PRMT1: variants seen among roughly 807,000 people sequenced by gnomAD.
The protein encoded by PRMT1 is protein arginine N-methyltransferase 1.
PRMT1 carries 5 observed loss-of-function variants against 47.4 expected under a neutral mutation model. That is an observed-to-expected ratio of 0.11 (90% CI 0.06 to 0.22). The LOEUF is 0.22. Ranked by LOEUF, PRMT1 falls within the 10% of genes least tolerant of loss-of-function variation. The pLI, the probability that PRMT1 is intolerant of heterozygous loss-of-function variation, is 1.00. For missense variants in PRMT1, 249 were observed against 518.4 expected (o/e 0.48, Z 5.05); for synonymous variants, 227 against 204.6 (o/e 1.11, Z -0.94).
chr19:49,686,703 A>G lies in PRMT1; in HGVS notation c.1009A>G (p.Met337Val). The G allele has an allele frequency of 1.2e-6, 2 of 1,605,800 alleles. No homozygotes were observed. The highest frequency in any genetic ancestry group is 1.7e-6 in the Non-Finnish European group (2 of 1,175,236). Reference sequence around the variant, plus strand: ...CGAGGAGATCTTCGGCACCATCGGCATGCGGCCCAACGCCAAGAACAACGT... The same window carrying G: ...CGAGGAGATCTTCGGCACCATCGGCGTGCGGCCCAACGCCAAGAACAACGT... Reference protein sequence around the residue: ...TGEEIFGTIGMRPNAKNNRDL... With the variant: ...TGEEIFGTIGVRPNAKNNRDL... The change falls in exon 10 of 11, where the codon ATG (methionine) becomes GTG (valine). Residue 337 changes from methionine to valine, a missense_variant. This residue lies in a region of PRMT1 where 190 missense variants were observed against 456.7 expected (regional missense o/e 0.42). Coordinates refer to ENST00000454376, the MANE Select transcript of PRMT1 (RefSeq NM_001536.6).
chr19:49,678,976 C>T (rs1298254059), intron 1 of PRMT1, among the ~76,000 whole-genome samples: 5 of 151,818 alleles, frequency 3.3e-5, no homozygotes, highest in African/African-American at 4.8e-5. Flanking sequence ...CTCCGCCTCC[C>T]GGGTTCAAGC....
chr19:49,679,956 C>T, intron 2 of PRMT1, 31 bp downstream of exon 2: 2 of 1,579,264 alleles, frequency 1.3e-6, no homozygotes, highest in Non-Finnish European at 1.7e-6. Context: ...CCCCTCCCCA[C>T]CCTGACCTCC....
intron 5 of PRMT1, chr19:49,683,676 A>G: frequency 2.5e-6 from 1 of 399,908 alleles, no homozygotes; most frequent in African/African-American, 2.3e-5. Flanking sequence ...TGACAGAGCA[A>G]GACTCCGTCT....
rs1016888861 is a variant in PRMT1, at chr19:49,681,375, C to T, written c.193-535C>T. ...GAGGACTTTTAAAAGCCAGGGTTCA[C>T]TGGTTCTTAGGTAGCAGTGGTGAAG... On this transcript the variant is annotated intron_variant, in intron 3 of 10. Transcript: ENST00000454376. This position sits in a 1 kb window ranked among gnomAD's most constrained non-coding sequence, Gnocchi z 4.4. 9.9e-5 allele frequency among the ~76,000 whole-genome samples: 15 copies of T among 152,002 alleles called. No individual in the cohort carries two copies. The highest frequency in any genetic ancestry group is 2.9e-5 in the Non-Finnish European group (2 of 67,984).
intron 5 of PRMT1, among the ~76,000 whole-genome samples, chr19:49,682,750 A>G (rs891530137): frequency 9.5e-5 from 14 of 147,756 alleles, no homozygotes; most frequent in African/African-American, 3.5e-4. Context: ...GCTCTTTTGC[A>G]TGACCACCAT....
rs1417576696 is a variant in PRMT1, at chr19:49,685,500, GTTTTGTTTTTTCC to G, written c.759+475_759+487del. The G allele has an allele frequency of 2.2e-5, 22 of 1,018,280 alleles. No homozygotes were observed. The highest frequency in any genetic ancestry group is 2.4e-5 in the Non-Finnish European group (20 of 849,868). 63.1% of individuals were successfully genotyped at this position (1,018,280 alleles called of 1,614,324 possible). A position where few individuals can be genotyped will look rare whatever the true frequency, so the allele number is the denominator to read the frequency against. ...ACTCCAGCTTTGGTGACAATGTTTTGTTTTGTTTTTTCCTTTTGTTTTTTTTTACTTCTGAGAC... is the reference window on the plus strand; with the variant it reads ...ACTCCAGCTTTGGTGACAATGTTTTGTTTTGTTTTTTTTTACTTCTGAGAC... On this transcript the variant is annotated intron_variant, in intron 8 of 10. Transcript: ENST00000454376. This position sits in a 1 kb window ranked among gnomAD's most constrained non-coding sequence, Gnocchi z 4.7.
At chr19:49,683,687 C>CAAAA (rs34880220) in intron 5 of PRMT1, 33 of 227,270 alleles carry the variant, frequency 1.5e-4, no homozygotes, top group Middle Eastern at 1.4e-3. Flanking sequence ...GACTCCGTCT[C>CAAAA]AAAAAAAAAA....
rs1159557544 is a variant in PRMT1 at position 49,680,282 on chromosome 19, C to T, written c.91-205C>T. ...TCGGGGTGCTCCCCTGGATGGTGCTCTGGGGGGGTCCTGGAAGTGGAAAAT... is the reference window on the plus strand; with the variant it reads ...TCGGGGTGCTCCCCTGGATGGTGCTTTGGGGGGGTCCTGGAAGTGGAAAAT... On this transcript the variant is annotated intron_variant, in intron 2 of 10. Coordinates refer to ENST00000454376, the MANE Select transcript of PRMT1 (RefSeq NM_001536.6). This position sits in a 1 kb window ranked among gnomAD's most constrained non-coding sequence, Gnocchi z 4.2. 1 of 1,476,960 alleles carries T rather than the reference C, an allele frequency of 6.8e-7. No homozygotes were observed. Among genetic ancestry groups the T allele is most frequent in the African/African-American group, 1.4e-5 (1 of 71,684 alleles). The allele number at this position is 1,476,960 out of a possible 1,614,324, so 91.5% of individuals were successfully genotyped here. A position where few individuals can be genotyped will look rare whatever the true frequency, so the allele number is the denominator to read the frequency against.
chr19:49,680,397 T>C lies in PRMT1; in HGVS notation c.91-90T>C. 8.3e-7 allele frequency: 1 copy of C among 1,202,888 alleles called. No individual in the cohort carries two copies. Among genetic ancestry groups the C allele is most frequent in the Admixed American group, 1.8e-5 (1 of 56,022 alleles). 74.5% of individuals were successfully genotyped at this position (1,202,888 alleles called of 1,614,324 possible). A position where few individuals can be genotyped will look rare whatever the true frequency, so the allele number is the denominator to read the frequency against. ...TGGTATGATTTTGGGGGTTCTATACTACTCTTCAGGGAAAAGTAGGGCGCT... is the reference window on the plus strand; with the variant it reads ...TGGTATGATTTTGGGGGTTCTATACCACTCTTCAGGGAAAAGTAGGGCGCT... On this transcript the variant is annotated intron_variant, in intron 2 of 10. Coordinates refer to ENST00000454376, the MANE Select transcript of PRMT1 (RefSeq NM_001536.6). This position sits in a 1 kb window ranked among gnomAD's most constrained non-coding sequence, Gnocchi z 4.2.
At chr19:49,683,033 G>T (rs1298954102) in intron 5 of PRMT1, among the ~76,000 whole-genome samples, 1 of 151,188 alleles carries the variant, frequency 6.6e-6, no homozygotes, top group Non-Finnish European at 1.5e-5. Context: ...TGATCTGCCT[G>T]CTTGCCTTGG....
Position 49,680,458 on chromosome 19 carries a change from G to A in PRMT1, c.91-29G>A, listed in dbSNP as rs1277183670. 2.5e-6 allele frequency: 4 copies of A among 1,568,996 alleles called. No homozygotes were observed. The highest frequency in any genetic ancestry group is 2.2e-5 in the East Asian group (1 of 44,634). On this transcript the variant is annotated intron_variant, in intron 2 of 10. Transcript: ENST00000454376. This position sits in a 1 kb window ranked among gnomAD's most constrained non-coding sequence, Gnocchi z 4.2. ...GAGGCTGTGGGGAGCCCCCAGATCT[G>A]ACCCATGATCCCATCGGCCCCCTCC... is the stretch of plus-strand genomic sequence containing the variant.
intron 9 of PRMT1, 42 bp from the exon 10 acceptor site, chr19:49,686,563 G>GC: frequency 6.3e-7 from 1 of 1,586,276 alleles, no homozygotes; most frequent in Non-Finnish European, 8.6e-7. Context: ...GGGGTTGGGG[G>GC]GGGCAGCAGG....
At chr19:49,683,033 G>A (rs1298954102) in intron 5 of PRMT1, among the ~76,000 whole-genome samples, 6 of 151,188 alleles carry the variant, frequency 4.0e-5, no homozygotes, top group Admixed American at 3.3e-4. Flanking sequence ...TGATCTGCCT[G>A]CTTGCCTTGG....
chr19:49,686,557 T>TGGGGGGGGGG, intron 9 of PRMT1, 48 bp from the exon 10 acceptor site: 1 of 976,194 alleles, frequency 1.0e-6, no homozygotes, highest in Non-Finnish European at 1.5e-6. Flanking sequence ...AAGGGTGGGG[T>TGGGGGGGGGG]TGGGGGGGGC....
chr19:49,685,416 G>T lies in PRMT1; in HGVS notation c.759+379G>T. ...GATGTGCCTGAGGTCCCAGCTACTC[G>T]GGAGGATCACTTGGGCCTGGGAGTT... is the stretch of plus-strand genomic sequence containing the variant. On this transcript the variant is annotated intron_variant, in intron 8 of 10. Coordinates refer to ENST00000454376, the MANE Select transcript of PRMT1 (RefSeq NM_001536.6). This position sits in a 1 kb window ranked among gnomAD's most constrained non-coding sequence, Gnocchi z 4.7. 12 of 1,197,550 alleles carry T rather than the reference G, an allele frequency of 1.0e-5. No individual in the cohort carries two copies. The highest frequency in any genetic ancestry group is 1.2e-5 in the Non-Finnish European group (11 of 952,858). 74.2% of individuals were successfully genotyped at this position (1,197,550 alleles called of 1,614,324 possible). A position where few individuals can be genotyped will look rare whatever the true frequency, so the allele number is the denominator to read the frequency against.
rs1406737755 is a variant in PRMT1, at chr19:49,685,016, C to T, written c.738C>T (p.Val246=). ...LVDVVDPKQL[V]TNACLIKEVD... is the part of the protein sequence containing the mutation. ...ATGTCGTGGACCCCAAACAGCTGGT[C>T]ACCAACGCCTGCCTCATAAAGGTGA... The change falls in exon 8 of 11, where the codon GTC becomes GTT. Residue 246 remains valine (V), a synonymous_variant. Coordinates refer to ENST00000454376, the MANE Select transcript of PRMT1 (RefSeq NM_001536.6). This position sits in a 1 kb window ranked among gnomAD's most constrained non-coding sequence, Gnocchi z 4.7. The T allele has an allele frequency of 6.2e-7, 1 of 1,613,528 alleles. No individual in the cohort carries two copies. The highest frequency in any genetic ancestry group is 1.1e-5 in the South Asian group (1 of 90,986).
chr19:49,677,538 C>T (rs1025586250), intron 1 of PRMT1: 1 of 403,234 alleles, frequency 2.5e-6, no homozygotes. Flanking sequence ...CTTATCCCCC[C>T]TCCCACGTGG....
In PRMT1 at chr19:49,685,645, T is replaced by C; in HGVS notation, c.760-448T>C. The C allele has an allele frequency of 9.8e-7, 1 of 1,016,712 alleles. No individual in the cohort carries two copies. Among genetic ancestry groups the C allele is most frequent in the Non-Finnish European group, 1.2e-6 (1 of 849,880 alleles). 63.0% of individuals were successfully genotyped at this position (1,016,712 alleles called of 1,614,324 possible). ...GGGGATCCTGTCGGGGAGGAGTAAG[T>C]TGTTGAGTGGGGGAGGAGAGGAGAC... On this transcript the variant is annotated intron_variant, in intron 8 of 10. Transcript: ENST00000454376. This position sits in a 1 kb window ranked among gnomAD's most constrained non-coding sequence, Gnocchi z 4.7.
In PRMT1 at chr19:49,684,165, G is replaced by T; in HGVS notation, c.555+96G>T. 1 of 1,519,654 alleles carries T rather than the reference G, an allele frequency of 6.6e-7. No homozygotes were observed. The highest frequency in any genetic ancestry group is 1.2e-5 in the South Asian group (1 of 82,986). 94.1% of individuals were successfully genotyped at this position (1,519,654 alleles called of 1,614,324 possible). A position where few individuals can be genotyped will look rare whatever the true frequency, so the allele number is the denominator to read the frequency against. ...ATTTTTCCCACAGACGGGACTTACT[G>T]TGGGGGCTTAGCTGCAAGGTGTTAG... On this transcript the variant is annotated intron_variant, in intron 6 of 10. Coordinates refer to ENST00000454376, the MANE Select transcript of PRMT1 (RefSeq NM_001536.6). This position sits in a 1 kb window ranked among gnomAD's most constrained non-coding sequence, Gnocchi z 6.2.
Sources: allele counts gnomAD v4.1 joint callset (sites outside exome capture counted in the v4.1 genomes callset), GRCh38; gene constraint gnomAD v4.1.1; regional missense constraint gnomAD v4.1.1; non-coding constraint Gnocchi (gnomAD v3.1); transcripts MANE v1.5; gene names NCBI Gene and HGNC (gene_info 2026-07-23, HGNC 2026-07-21).